The following STARD9 variants were observed in gnomAD, a reference collection of about 807,000 sequenced individuals.
STARD9 encodes the protein StAR related lipid transfer domain containing 9.
A neutral mutation model predicts 399.8 loss-of-function variants in STARD9; 346 were observed. That is an observed-to-expected ratio of 0.87 (90% CI 0.79 to 0.95). The LOEUF is 0.95. STARD9 is among the 40% of genes least tolerant of loss of function. The pLI, the probability that STARD9 is intolerant of heterozygous loss-of-function variation, is 0.00. For missense variants in STARD9, 5,832 were observed against 5,667.5 expected (o/e 1.03, Z -0.93); for synonymous variants, 2,203 against 2,143.5 (o/e 1.03, Z -0.77).
rs901488733 is a variant in STARD9 at position 42,692,175 on chromosome 15, G to A, written c.10597G>A (p.Ala3533Thr). Residue 3533 changes from alanine (A) to threonine (T), a missense_variant, in exon 23 of 33, where the codon GCC becomes ACC. Transcript: ENST00000290607. ...SPFHSHLSTY[A>T]NICDLSTTHS... is the part of the protein sequence containing the mutation. ...TTTCCACTCCCACCTCAGCACTTAC[G>A]CCAATATTTGTGATCTGTCAACCAC... 15 of 1,536,916 alleles carry A rather than the reference G, an allele frequency of 9.8e-6. No individual in the cohort carries two copies. Among genetic ancestry groups the A allele is most frequent in the African/African-American group, 1.4e-5 (1 of 73,000 alleles).
intron 3 of STARD9, among the ~76,000 whole-genome samples, chr15:42,600,769 C>G (rs2141748367): frequency 6.6e-6 from 1 of 152,126 alleles, no homozygotes; most frequent in East Asian, 1.9e-4. Context: ...AGGTGATCTG[C>G]CCATCTTGGC....
At position 42,674,818 on chromosome 15, in the gene STARD9, C is replaced by A; in HGVS notation, c.1550-9C>A. On this transcript the variant is annotated splice_polypyrimidine_tract_variant and intron_variant, in intron 17 of 32. Transcript: ENST00000290607. ...CCTCCCACCCAAGTGACCACCACCT[C>A]TTTTGTAGTCCTGCAGGGTCAGTGG... 1.3e-6 allele frequency: 2 copies of A among 1,518,496 alleles called. No homozygotes were observed. Among genetic ancestry groups the A allele is most frequent in the Non-Finnish European group, 1.8e-6 (2 of 1,138,486 alleles). 94.1% of individuals were successfully genotyped at this position (1,518,496 alleles called of 1,614,324 possible). A position where few individuals can be genotyped will look rare whatever the true frequency, so the allele number is the denominator to read the frequency against.
In STARD9 at chr15:42,638,826, G is replaced by A; in HGVS notation, c.559+14G>A. ...CCTATGTACAAGGTGAGCTACTGTG[G>A]TCCTGGAGATCTGAAACCAAACTGA... On this transcript the variant is annotated intron_variant, in intron 7 of 32. Coordinates refer to ENST00000290607, the MANE Select transcript of STARD9 (RefSeq NM_020759.3). The A allele has an allele frequency of 6.8e-7, 1 of 1,469,214 alleles. No homozygotes were observed. The highest frequency in any genetic ancestry group is 1.4e-5 in the African/African-American group (1 of 71,042). 91.0% of individuals were successfully genotyped at this position (1,469,214 alleles called of 1,614,324 possible). A position where few individuals can be genotyped will look rare whatever the true frequency, so the allele number is the denominator to read the frequency against.
In STARD9 at chr15:42,650,110, G is replaced by A. The variant is rs546811853; in HGVS notation, c.560-906G>A. Reference sequence around the variant, plus strand: ...CAAACTCCTGACCTCAGGCCCGCCCGCCTCGGCCTCCCAAAGTGCTGGGAT... The same window carrying A: ...CAAACTCCTGACCTCAGGCCCGCCCACCTCGGCCTCCCAAAGTGCTGGGAT... On this transcript the variant is annotated intron_variant, in intron 7 of 32. Coordinates refer to ENST00000290607, the MANE Select transcript of STARD9 (RefSeq NM_020759.3). 4.6e-5 allele frequency among the ~76,000 whole-genome samples: 7 copies of A among 151,848 alleles called. No homozygotes were observed. In the East Asian group the frequency reaches 7.8e-4, roughly 17 times the overall value.
At chr15:42,614,017 A>G (rs1259913773) in intron 3 of STARD9, among the ~76,000 whole-genome samples, 1 of 152,038 alleles carries the variant, frequency 6.6e-6, no homozygotes, top group Non-Finnish European at 1.5e-5. Context: ...GGCTTCCATA[A>G]TAACAGTGTA....
chr15:42,632,285 T>C (rs1566889375), intron 3 of STARD9, among the ~76,000 whole-genome samples: 1 of 151,510 alleles, frequency 6.6e-6, no homozygotes, highest in Non-Finnish European at 1.5e-5. Context: ...TTTGCATGGG[T>C]TATCTTTTTC....
Position 42,690,273 on chromosome 15 carries a change from C to T in STARD9, c.8695C>T (p.Pro2899Ser). The T allele has an allele frequency of 2.0e-6, 3 of 1,537,344 alleles. No homozygotes were observed. The highest frequency in any genetic ancestry group is 4.9e-5 in the East Asian group (2 of 40,910). ...TGGCAGCAAACATTCCAGGCCAATTCCACTGCCAGATCAAAGACCAAGCGC... is the reference window on the plus strand; with the variant it reads ...TGGCAGCAAACATTCCAGGCCAATTTCACTGCCAGATCAAAGACCAAGCGC... ...RAGSKHSRPIPLPDQRPSANP... is the reference protein window; with the variant it reads ...RAGSKHSRPISLPDQRPSANP... The change falls in exon 23 of 33, where the codon CCA becomes TCA. Residue 2899 changes from proline to serine, a missense_variant. This residue lies in a region of STARD9 where 5,828 missense variants were observed against 5,651.1 expected (regional missense o/e 1.03). Transcript: ENST00000290607.
At position 42,681,599 on chromosome 15, in the gene STARD9, G is replaced by T; in HGVS notation, c.2052G>T (p.Gln684His). 1 of 1,536,580 alleles carries T rather than the reference G, an allele frequency of 6.5e-7. No individual in the cohort carries two copies. Among genetic ancestry groups the T allele is most frequent in the Non-Finnish European group, 8.7e-7 (1 of 1,146,574 alleles). Reference protein sequence around the residue: ...ELEFDQAWISQQIKENQQCLL... With the variant: ...ELEFDQAWISHQIKENQQCLL... ...AATTTGACCAAGCTTGGATTAGCCAGCAGATTAAAGAAAGTAGGTGTCCAC... is the reference window on the plus strand; with the variant it reads ...AATTTGACCAAGCTTGGATTAGCCATCAGATTAAAGAAAGTAGGTGTCCAC... Residue 684 changes from glutamine (Q) to histidine (H), a missense_variant, in exon 21 of 33, where the codon CAG becomes CAT. Gln to His is a conservative substitution (Grantham distance 24, BLOSUM62 0). This residue lies in a region of STARD9 where 5,828 missense variants were observed against 5,651.1 expected (regional missense o/e 1.03). Transcript: ENST00000290607.
At chr15:42,577,787 C>T (rs1213338155) in intron 1 of STARD9, among the ~76,000 whole-genome samples, 1 of 152,132 alleles carries the variant, frequency 6.6e-6, no homozygotes, top group Non-Finnish European at 1.5e-5. Context: ...GGGTGTTATA[C>T]TGTCTTCATT....
intron 22 of STARD9, among the ~76,000 whole-genome samples, 156 bp from the exon 23 acceptor site, chr15:42,683,960 G>A (rs1212169599): frequency 6.6e-6 from 1 of 152,214 alleles, no homozygotes; most frequent in Non-Finnish European, 1.5e-5. Flanking sequence ...GGAGAACTAG[G>A]ACTAGAGTCC....
chr15:42,650,991 T>G (rs2059751762), intron 7 of STARD9, 25 bp from the exon 8 acceptor site: 9 of 1,469,974 alleles, frequency 6.1e-6, no homozygotes, highest in Non-Finnish European at 8.2e-6. Context: ...TTTAATTTCT[T>G]TTTTCCGTTT....
chr15:42,679,851 T>C (rs1197735233), intron 20 of STARD9, among the ~76,000 whole-genome samples: 5 of 152,186 alleles, frequency 3.3e-5, no homozygotes, highest in Non-Finnish European at 7.3e-5. Flanking sequence ...CGTGGACCTC[T>C]TCTGTGATAC....
chr15:42,694,116 C>CGG lies in STARD9; in HGVS notation c.12538_12539insGG (p.Gln4180ArgfsTer67). 6.5e-7 allele frequency: 1 copy of CGG among 1,537,030 alleles called. No individual in the cohort carries two copies. Among genetic ancestry groups the CGG allele is most frequent in the South Asian group, 1.2e-5 (1 of 84,002 alleles). On this transcript the variant is annotated frameshift_variant, in exon 23 of 33. Transcript: ENST00000290607. LOFTEE classifies it high-confidence loss of function. Reference sequence around the variant, plus strand: ...TGAAAAGCAGGAACAGAGTCCCCCACAACCTCCTAATGACCACAGCCAGGA... The same window carrying CGG: ...TGAAAAGCAGGAACAGAGTCCCCCACGGAACCTCCTAATGACCACAGCCAGGA...
chr15:42,636,846 A>T (rs1019778804), intron 4 of STARD9, among the ~76,000 whole-genome samples: 3 of 151,980 alleles, frequency 2.0e-5, no homozygotes, highest in Admixed American at 2.0e-4. Flanking sequence ...CAGGCGGATC[A>T]CCTGAGCTCA....
At position 42,692,075 on chromosome 15, in the gene STARD9, G is replaced by C; in HGVS notation, c.10497G>C (p.Lys3499Asn). The C allele has an allele frequency of 6.5e-7, 1 of 1,537,210 alleles. No individual in the cohort carries two copies. Among genetic ancestry groups the C allele is most frequent in the East Asian group, 2.4e-5 (1 of 40,920 alleles). Residue 3499 changes from lysine (K) to asparagine (N), a missense_variant, in exon 23 of 33, where the codon AAG becomes AAC. Lys to Asn is a moderately conservative substitution (Grantham distance 94, BLOSUM62 0). Around this residue, in one of 2 missense-constraint regions of STARD9, gnomAD observed 5,828 missense variants for 5,651.1 expected, o/e 1.03. Transcript: ENST00000290607. ...GSAVDVSCSQ[K>N]PQGLTLSNVA... ...CAGTCGATGTTTCCTGCAGCCAGAA[G>C]CCCCAGGGGCTGACACTATCAAATG...
chr15:42,630,264 A>G (rs1428332270), intron 3 of STARD9: 12 of 152,048 alleles, frequency 7.9e-5, no homozygotes, highest in Admixed American at 7.9e-4. Context: ...CGGGCTCCCA[A>G]AGTGCTGAGA....
intron 3 of STARD9, among the ~76,000 whole-genome samples, chr15:42,595,922 C>G (rs1020745043): frequency 6.6e-6 from 1 of 152,170 alleles, no homozygotes; most frequent in African/African-American, 2.4e-5. Context: ...TTTAATCTAA[C>G]TTGTTTTTTC....
At chr15:42,702,706 A>G (rs769093792) in intron 26 of STARD9, among the ~76,000 whole-genome samples, 18 of 152,196 alleles carry the variant, frequency 1.2e-4, no homozygotes, top group Non-Finnish European at 2.5e-4. Context: ...AGCAGTTGTT[A>G]TATAAGACAG....
At chr15:42,639,198 G>C (rs891595675) in intron 7 of STARD9, among the ~76,000 whole-genome samples, 2 of 152,208 alleles carry the variant, frequency 1.3e-5, no homozygotes, top group African/African-American at 4.8e-5. Flanking sequence ...AACGTGGTGA[G>C]AAGTGTTTCA....
Sources: allele counts gnomAD v4.1 joint callset (sites outside exome capture counted in the v4.1 genomes callset), GRCh38; gene constraint gnomAD v4.1.1; regional missense constraint gnomAD v4.1.1; transcripts MANE v1.5; gene names NCBI Gene and HGNC (gene_info 2026-07-23, HGNC 2026-07-21).